NCAM2: variants seen among roughly 807,000 people sequenced by gnomAD.
The protein encoded by NCAM2 is N-CAM-2.
Under a neutral mutation model 98.1 loss-of-function variants are expected in NCAM2, and 30 were observed. That is an observed-to-expected ratio of 0.31 (90% CI 0.23 to 0.41). The LOEUF (loss-of-function observed/expected upper bound fraction) is 0.41, where lower values mean the gene tolerates loss of function less well. NCAM2 is among the 10% of genes least tolerant of loss of function. The pLI is 1.00. For missense variants in NCAM2, 867 were observed against 1,005.8 expected (o/e 0.86, Z 1.87); for synonymous variants, 368 against 342.4 (o/e 1.07, Z -0.83).
chr21:21,500,683 A>G (rs1987570437), intron 15 of NCAM2, among the ~76,000 whole-genome samples: 1 of 152,124 alleles, frequency 6.6e-6, no homozygotes, highest in Non-Finnish European at 1.5e-5. Context: ...ATATATTTCT[A>G]ATTATCTATG....
At chr21:21,288,017 A>C (rs1314745474) in intron 4 of NCAM2, among the ~76,000 whole-genome samples, 1 of 151,898 alleles carries the variant, frequency 6.6e-6, no homozygotes, top group Non-Finnish European at 1.5e-5. Context: ...CAGATACCAA[A>C]ATAAGCCGAT....
chr21:21,534,457 G>A (rs944950248), intron 16 of NCAM2, 80 bp from the exon 17 acceptor site: 8 of 1,199,284 alleles, frequency 6.7e-6, no homozygotes, highest in Non-Finnish European at 8.9e-6. Context: ...GTAGAATTGG[G>A]TGATTTTAAA....
chr21:21,469,818 C>T (rs1020888388), intron 14 of NCAM2, among the ~76,000 whole-genome samples: 1 of 151,962 alleles, frequency 6.6e-6, no homozygotes, highest in Non-Finnish European at 1.5e-5. Flanking sequence ...ATACTCCTTT[C>T]AGAGGACAAG....
intron 2 of NCAM2, among the ~76,000 whole-genome samples, chr21:21,282,226 A>T (rs1277657684): frequency 6.6e-6 from 1 of 151,914 alleles, no homozygotes; most frequent in Non-Finnish European, 1.5e-5. Flanking sequence ...CAAAATAGTT[A>T]AAAAATCAAT....
chr21:21,082,880 C>T (rs1300347624), intron 1 of NCAM2, among the ~76,000 whole-genome samples: 4 of 152,150 alleles, frequency 2.6e-5, no homozygotes, highest in Admixed American at 6.5e-5. Context: ...TTCCACTCTG[C>T]GGGACACCTA....
In NCAM2 at chr21:21,259,020, GCC is replaced by G. The variant is rs564900724; in HGVS notation, c.56-21555_56-21554del. Among the ~76,000 whole-genome samples, 256 of 152,228 alleles carry G rather than the reference GCC, an allele frequency of 1.7e-3. 1 individual carries two copies. Among genetic ancestry groups the G allele is most frequent in the African/African-American group, 5.6e-3 (232 of 41,530 alleles). On this transcript the variant is annotated intron_variant, in intron 1 of 17. Transcript: ENST00000400546. The stretch of plus-strand genomic sequence containing the variant: ...GGAGGGAGGGTCATCATTGTGCCTT[GCC>G]CCATTCATTGCTGAAGATGAAGCAG...
intron 8 of NCAM2, among the ~76,000 whole-genome samples, chr21:21,347,331 A>G (rs2075217895): frequency 1.3e-5 from 2 of 151,992 alleles, no homozygotes; most frequent in African/African-American, 4.8e-5. Flanking sequence ...AAATTTATAT[A>G]GAACCCCAAA....
At chr21:21,142,417 C>T (rs1192088490) in intron 1 of NCAM2, among the ~76,000 whole-genome samples, 1 of 114,908 alleles carries the variant, frequency 8.7e-6, no homozygotes, top group East Asian at 2.8e-4. Context: ...CTCACCCTGT[C>T]GTCCAGGCTG....
intron 5 of NCAM2, among the ~76,000 whole-genome samples, chr21:21,316,533 C>CTTTTTTTTTTTTT (rs34341259): frequency 9.0e-6 from 1 of 110,900 alleles, no homozygotes; most frequent in African/African-American, 3.5e-5. Flanking sequence ...ATCTTTTATT[C>CTTTTTTTTTTTTT]TTTTTTTTTT....
At chr21:21,228,090 A>G (rs1036390990) in intron 1 of NCAM2, among the ~76,000 whole-genome samples, 2 of 151,732 alleles carry the variant, frequency 1.3e-5, no homozygotes, top group African/African-American at 2.4e-5. Flanking sequence ...ATCAATAACA[A>G]AAGAACAGGA....
chr21:21,057,117 G>T (rs2065228033), intron 1 of NCAM2, among the ~76,000 whole-genome samples: 1 of 152,096 alleles, frequency 6.6e-6, no homozygotes, highest in East Asian at 1.9e-4. Context: ...AAGACCTAGG[G>T]TGTCTAAAAC....
At position 21,367,664 on chromosome 21, in the gene NCAM2, A is replaced by T. The variant is rs1465918436; in HGVS notation, c.1045-6199A>T. On this transcript the variant is annotated intron_variant, in intron 8 of 17. Coordinates refer to ENST00000400546, the MANE Select transcript of NCAM2 (RefSeq NM_004540.5). ...TTATTGCTTAGATCTGCATATCAGT[A>T]GCTTTAGCCAATTTATTATGTACTT... Among the ~76,000 whole-genome samples, 3 of 152,022 alleles carry T rather than the reference A, an allele frequency of 2.0e-5. 1 individual carries two copies. The highest frequency in any genetic ancestry group is 6.3e-3 in the Middle Eastern group (2 of 316).
chr21:21,364,372 A>G (rs2075731433), intron 8 of NCAM2, among the ~76,000 whole-genome samples: 2 of 151,940 alleles, frequency 1.3e-5, no homozygotes, highest in African/African-American at 4.8e-5. Flanking sequence ...TTCTCACCCA[A>G]TGTGTAGTTA....
intron 12 of NCAM2, among the ~76,000 whole-genome samples, chr21:21,444,956 T>C (rs972642197): frequency 1.2e-4 from 19 of 152,188 alleles, no homozygotes; most frequent in African/African-American, 4.6e-4. Context: ...TCTAGCTTTC[T>C]GATGTAGACA....
At chr21:21,350,931 C>CAA (rs113203468) in intron 8 of NCAM2, among the ~76,000 whole-genome samples, 2,830 of 44,030 alleles carry the variant, frequency 0.064, 99 homozygotes, top group East Asian at 0.22. Context: ...AGTAAAAATA[C>CAA]AAAAAAAAAA....
intron 8 of NCAM2, among the ~76,000 whole-genome samples, chr21:21,352,826 T>TAAAAAAAA (rs377003114): frequency 7.4e-6 from 1 of 135,142 alleles, no homozygotes; most frequent in Non-Finnish European, 1.6e-5. Context: ...ATTAGAAAAT[T>TAAAAAAAA]AAAAAAAAAA....
chr21:21,246,003 G>T (rs2071254557), intron 1 of NCAM2, among the ~76,000 whole-genome samples: 1 of 152,174 alleles, frequency 6.6e-6, no homozygotes, highest in Admixed American at 6.5e-5. Context: ...CTCCACTTTG[G>T]TGTGGATTGT....
At chr21:21,169,053 G>A (rs536417025) in intron 1 of NCAM2, among the ~76,000 whole-genome samples, 1 of 152,254 alleles carries the variant, frequency 6.6e-6, no homozygotes, top group African/African-American at 2.4e-5. Flanking sequence ...CTATCTATCT[G>A]CAGTACAGAC....
chr21:21,328,046 T>G (rs1012933213), intron 6 of NCAM2, among the ~76,000 whole-genome samples: 2 of 152,144 alleles, frequency 1.3e-5, no homozygotes, highest in Non-Finnish European at 2.9e-5. Flanking sequence ...TTTAAAATGT[T>G]CCATTTAAAC....
Sources: allele counts gnomAD v4.1 joint callset (sites outside exome capture counted in the v4.1 genomes callset), GRCh38; gene constraint gnomAD v4.1.1; transcripts MANE v1.5; gene names NCBI Gene and HGNC (gene_info 2026-07-23, HGNC 2026-07-21).